Variants in CNTNAP5 observed in about 807,000 individuals in gnomAD.
CNTNAP5 encodes the protein contactin associated protein family member 5.
A neutral mutation model predicts 150.2 loss-of-function variants in CNTNAP5; 72 were observed. That is an observed-to-expected ratio of 0.48 (90% CI 0.40 to 0.58). The LOEUF (loss-of-function observed/expected upper bound fraction) is 0.58. CNTNAP5 is among the 20% of genes least tolerant of loss of function. The pLI, the probability that CNTNAP5 is intolerant of heterozygous loss-of-function variation, is 0.00. For missense variants in CNTNAP5, 1,636 were observed against 1,626.2 expected (o/e 1.01, Z -0.10); for synonymous variants, 672 against 619.8 (o/e 1.08, Z -1.25).
chr2:124,369,798 A>T (rs1212375383), intron 3 of CNTNAP5, among the ~76,000 whole-genome samples: 1 of 152,124 alleles, frequency 6.6e-6, no homozygotes, highest in Admixed American at 6.5e-5. Context: ...TCTTGACTAT[A>T]TCTATTGTGC....
intron 16 of CNTNAP5, among the ~76,000 whole-genome samples, chr2:124,766,543 C>T (rs1681073383): frequency 6.6e-6 from 1 of 152,102 alleles, no homozygotes; most frequent in Admixed American, 6.6e-5. Flanking sequence ...GTTTTAACCT[C>T]CTTTTGCTCC....
chr2:124,869,746 C>A lies in CNTNAP5; in HGVS notation c.3420C>A (p.Thr1140=), dbSNP rs781680213. The change falls in exon 21 of 24, where the codon ACC becomes ACA. Residue 1140 remains threonine (T), a synonymous_variant. Transcript: ENST00000682447. ...AGTTCAGGGTTATAAGGTCACTCAC[C>A]TTGGGCAAAGTCACAGGTATGTTGT... ...EVEFRVIRSL[T]LGKVTENLGL... 6.2e-7 allele frequency: 1 copy of A among 1,608,688 alleles called. No individual in the cohort carries two copies. The highest frequency in any genetic ancestry group is 8.5e-7 in the Non-Finnish European group (1 of 1,175,656).
At chr2:124,195,565 A>T (rs1457550144) in intron 1 of CNTNAP5, among the ~76,000 whole-genome samples, 1 of 152,150 alleles carries the variant, frequency 6.6e-6, no homozygotes, top group African/African-American at 2.4e-5. Context: ...CCCCTACTGT[A>T]GTTTGTAGTT....
At chr2:124,763,586 T>C in intron 14 of CNTNAP5, 86 bp from the exon 15 acceptor site, 1 of 1,370,442 alleles carries the variant, frequency 7.3e-7, no homozygotes, top group Non-Finnish European at 1.0e-6. Flanking sequence ...ACTGGCCAAA[T>C]CACTTCTGAA....
chr2:124,894,649 T>C (rs1678266859), intron 21 of CNTNAP5, among the ~76,000 whole-genome samples: 1 of 150,916 alleles, frequency 6.6e-6, no homozygotes, highest in Non-Finnish European at 1.5e-5. Flanking sequence ...GACCTCCAAG[T>C]TTCAAGTGAT....
At chr2:124,069,319 C>A (rs1224947240) in intron 1 of CNTNAP5, among the ~76,000 whole-genome samples, 1 of 152,148 alleles carries the variant, frequency 6.6e-6, no homozygotes, top group African/African-American at 2.4e-5. Context: ...AGCTTAGCTG[C>A]AGTAGAATAG....
At chr2:124,487,367 C>T (rs1016064139) in intron 7 of CNTNAP5, among the ~76,000 whole-genome samples, 4 of 152,124 alleles carry the variant, frequency 2.6e-5, no homozygotes, top group Admixed American at 6.5e-5. Flanking sequence ...AATGAACATA[C>T]GTAGCCTTCA....
chr2:124,125,392 G>A (rs112863858), intron 1 of CNTNAP5, among the ~76,000 whole-genome samples: 1 of 152,102 alleles, frequency 6.6e-6, no homozygotes, highest in Middle Eastern at 3.2e-3. Context: ...ACCCAATACA[G>A]GAGCACCCAG....
intron 13 of CNTNAP5, among the ~76,000 whole-genome samples, chr2:124,713,335 CTTTCTT>C (rs1679873156): frequency 9.6e-6 from 1 of 103,808 alleles, no homozygotes; most frequent in Non-Finnish European, 1.9e-5. Flanking sequence ...TTCTTTCTTT[CTTTCTT>C]TCTTTCTTTC....
chr2:124,455,585 A>G (rs1199191629), intron 6 of CNTNAP5, among the ~76,000 whole-genome samples: 1 of 152,164 alleles, frequency 6.6e-6, no homozygotes, highest in Non-Finnish European at 1.5e-5. Context: ...TATCACCCTA[A>G]TACCAAAACC....
At chr2:124,748,820 G>A (rs1446909817) in intron 14 of CNTNAP5, among the ~76,000 whole-genome samples, 1 of 152,150 alleles carries the variant, frequency 6.6e-6, no homozygotes, top group Non-Finnish European at 1.5e-5. Flanking sequence ...CTAAACTCAA[G>A]CTGGCCGAAG....
chr2:124,904,237 T>C (rs962364648), intron 22 of CNTNAP5, among the ~76,000 whole-genome samples: 22 of 152,108 alleles, frequency 1.4e-4, no homozygotes, highest in African/African-American at 5.3e-4. Flanking sequence ...GTATTTGTCT[T>C]TCTGTGTCTT....
chr2:124,515,374 T>C (rs529856644), intron 8 of CNTNAP5, among the ~76,000 whole-genome samples: 35 of 152,308 alleles, frequency 2.3e-4, no homozygotes, highest in Admixed American at 1.8e-3. Context: ...GGACGGATTG[T>C]TAATTAATAC....
chr2:124,271,124 A>T (rs1687739718), intron 3 of CNTNAP5, among the ~76,000 whole-genome samples: 1 of 152,284 alleles, frequency 6.6e-6, no homozygotes, highest in South Asian at 2.1e-4. Context: ...GATGTGAAAA[A>T]GGTTGGAAAC....
In CNTNAP5 at chr2:124,588,107, C is replaced by CCTCCTT. The variant is rs1558965882; in HGVS notation, c.1757-21694_1757-21693insCTCCTT. ...CTTTCTTTCTTTCTTTTCTTCCTTC[C>CCTCCTT]TTCCCTCCTTTTCCTTCCTTCCTTT... is the stretch of plus-strand genomic sequence containing the variant. On this transcript the variant is annotated intron_variant, in intron 11 of 23. Transcript: ENST00000682447. 3.6e-4 allele frequency among the ~76,000 whole-genome samples: 53 copies of CCTCCTT among 148,288 alleles called. 6 individuals carry two copies. The highest frequency in any genetic ancestry group is 9.0e-4 in the African/African-American group (36 of 39,826).
intron 17 of CNTNAP5, among the ~76,000 whole-genome samples, chr2:124,783,384 C>A (rs567735674): frequency 2.0e-5 from 3 of 152,202 alleles, no homozygotes; most frequent in African/African-American, 7.2e-5. Flanking sequence ...TCTCTTTTGT[C>A]AGACATTTCC....
At chr2:124,647,457 A>G (rs189703472) in intron 12 of CNTNAP5, among the ~76,000 whole-genome samples, 1 of 152,312 alleles carries the variant, frequency 6.6e-6, no homozygotes, top group East Asian at 1.9e-4. Flanking sequence ...CATTTTTGAC[A>G]TAGCGGTATT....
chr2:124,509,876 A>G (rs189292269), intron 8 of CNTNAP5, among the ~76,000 whole-genome samples: 1 of 152,244 alleles, frequency 6.6e-6, no homozygotes, highest in Admixed American at 6.5e-5. Flanking sequence ...TGGGATTCAC[A>G]CTAGATTGGA....
chr2:124,749,636 G>A (rs925951611), intron 14 of CNTNAP5, among the ~76,000 whole-genome samples: 3 of 152,026 alleles, frequency 2.0e-5, no homozygotes, highest in Non-Finnish European at 4.4e-5. Context: ...GGCTGGTCTC[G>A]AGCTCCTGAC....
Sources: allele counts gnomAD v4.1 joint callset (sites outside exome capture counted in the v4.1 genomes callset), GRCh38; gene constraint gnomAD v4.1.1; transcripts MANE v1.5; gene names NCBI Gene and HGNC (gene_info 2026-07-23, HGNC 2026-07-21).